Variants in FAM227B observed in about 807,000 individuals in gnomAD.
The protein encoded by FAM227B is protein FAM227B.
Under a neutral mutation model 73.8 loss-of-function variants are expected in FAM227B, and 88 were observed. The ratio of observed to expected loss-of-function variants is 1.19; its 90% CI spans 1.00 to 1.42. The LOEUF is 1.42. Ranked by LOEUF, FAM227B falls within the 40% of genes most tolerant of loss-of-function variation. The probability of loss-of-function intolerance (pLI) is 0.00; values close to 1 mark genes in which losing one functional copy is unlikely to be tolerated. For synonymous variants in FAM227B, 210 were observed against 190.5 expected (o/e 1.10, Z -0.84); for missense variants, 632 against 590.9 (o/e 1.07, Z -0.72).
At chr15:49,388,846 T>C (rs2047037385) in intron 11 of FAM227B, among the ~76,000 whole-genome samples, 2 of 151,712 alleles carry the variant, frequency 1.3e-5, no homozygotes, top group Non-Finnish European at 3.0e-5. Context: ...AGACATTTCT[T>C]AAAAGAAGAT....
intron 11 of FAM227B, among the ~76,000 whole-genome samples, chr15:49,507,231 T>C (rs1052030216): frequency 7.2e-5 from 11 of 152,064 alleles, no homozygotes; most frequent in Admixed American, 3.3e-4. Context: ...ACAGTTAAAA[T>C]AGTGATGCTC....
intron 11 of FAM227B, among the ~76,000 whole-genome samples, chr15:49,474,191 C>G (rs2055037675): frequency 6.6e-6 from 1 of 152,104 alleles, no homozygotes; most frequent in South Asian, 2.1e-4. Flanking sequence ...CTGTCTTAGG[C>G]TATCTATATC....
At chr15:49,535,303 A>T (rs1336637056) in intron 10 of FAM227B, among the ~76,000 whole-genome samples, 1 of 151,740 alleles carries the variant, frequency 6.6e-6, no homozygotes, top group Non-Finnish European at 1.5e-5. Context: ...ATTATATGCC[A>T]TCAAATTGAA....
chr15:49,455,691 G>A (rs910297727), intron 11 of FAM227B, among the ~76,000 whole-genome samples: 3 of 152,114 alleles, frequency 2.0e-5, no homozygotes, highest in Non-Finnish European at 4.4e-5. Flanking sequence ...ACTTAAATAA[G>A]TGATTTTGGT....
Position 49,568,311 on chromosome 15 carries a change from T to G in FAM227B, c.681A>C (p.Arg227Ser). The G allele has an allele frequency of 3.1e-6, 5 of 1,611,682 alleles. No homozygotes were observed. Among genetic ancestry groups the G allele is most frequent in the Non-Finnish European group, 4.2e-6 (5 of 1,178,860 alleles). Reference sequence around the variant, plus strand: ...AAAGTGTCACATAACTTTCTGAAATTCTATCGAATAAGCAATCTTGGTTTT... The same window carrying G: ...AAAGTGTCACATAACTTTCTGAAATGCTATCGAATAAGCAATCTTGGTTTT... ...DRENQDCLFD[R>S]ISESYVTLFM... The change falls in exon 9 of 16, where the codon AGA (arginine) becomes AGC (serine). Residue 227 changes from arginine (R) to serine (S), a missense_variant. Arg to Ser is a moderately radical substitution (Grantham distance 110). Transcript: ENST00000299338.
At position 49,594,211 on chromosome 15, in the gene FAM227B, C is replaced by T. The variant is rs117813132; in HGVS notation, c.106-4204G>A. Among the ~76,000 whole-genome samples the T allele has an allele frequency of 1.7e-3, 255 of 152,032 alleles. 5 individuals carry two copies. The East Asian group carries it at 0.045, about 27-fold the overall frequency. On this transcript the variant is annotated intron_variant, in intron 3 of 15. Transcript: ENST00000299338. ...GCATTTTTTTCACAGGTTTTTTGGC[C>T]ATTTGTATATCTTCTTTTGAGAATT...
At chr15:49,482,599 T>C (rs2056052973) in intron 11 of FAM227B, among the ~76,000 whole-genome samples, 1 of 152,020 alleles carries the variant, frequency 6.6e-6, no homozygotes, top group African/African-American at 2.4e-5. Context: ...TTTATCCAAA[T>C]AGAAAAGTAA....
intron 10 of FAM227B, among the ~76,000 whole-genome samples, chr15:49,527,336 A>T (rs748854302): frequency 1.3e-5 from 2 of 151,850 alleles, no homozygotes; most frequent in African/African-American, 2.4e-5. Flanking sequence ...AAAATCCAAC[A>T]TCCCTTCAGT....
chr15:49,365,127 G>T (rs2044905545), intron 13 of FAM227B: 3 of 716,334 alleles, frequency 4.2e-6, no homozygotes, highest in East Asian at 2.5e-5. Flanking sequence ...TAATATTATT[G>T]CTGGACAATC....
chr15:49,507,504 C>T (rs994969947), intron 11 of FAM227B, among the ~76,000 whole-genome samples: 1 of 152,104 alleles, frequency 6.6e-6, no homozygotes, highest in East Asian at 1.9e-4. Context: ...CAGTCAGACA[C>T]GAGACCTGAG....
intron 11 of FAM227B, among the ~76,000 whole-genome samples, chr15:49,387,909 G>T (rs537525228): frequency 4.0e-5 from 6 of 151,708 alleles, no homozygotes; most frequent in African/African-American, 1.4e-4. Flanking sequence ...AAATACCTAC[G>T]AATATATTTA....
At chr15:49,541,272 G>T (rs1769556627) in intron 10 of FAM227B, among the ~76,000 whole-genome samples, 1 of 151,768 alleles carries the variant, frequency 6.6e-6, no homozygotes, top group South Asian at 2.1e-4. Context: ...TTCACAAACA[G>T]GTTTTCCTTG....
chr15:49,479,557 G>A (rs2055693612), intron 11 of FAM227B, among the ~76,000 whole-genome samples: 1 of 147,406 alleles, frequency 6.8e-6, no homozygotes, highest in African/African-American at 2.5e-5. Flanking sequence ...GCAACTTCGT[G>A]GCTTCTGATT....
At chr15:49,350,360 ACAT>A (rs1344095420) in intron 13 of FAM227B, among the ~76,000 whole-genome samples, 2 of 152,188 alleles carry the variant, frequency 1.3e-5, no homozygotes, top group South Asian at 2.1e-4. Context: ...ATGATGACAA[ACAT>A]CATAAATACC....
intron 15 of FAM227B, chr15:49,329,082 C>T (rs1191465956): frequency 4.0e-6 from 4 of 996,520 alleles, no homozygotes; most frequent in Non-Finnish European, 4.8e-6. Flanking sequence ...AGAAATTCCA[C>T]ACATTCCTTA....
chr15:49,422,124 G>GAA (rs1366043750), intron 11 of FAM227B, among the ~76,000 whole-genome samples: 6 of 137,758 alleles, frequency 4.4e-5, no homozygotes, highest in Non-Finnish European at 7.9e-5. Flanking sequence ...TTCACATAGA[G>GAA]AGAGAGAGAG....
chr15:49,506,042 C>G (rs1211087447), intron 11 of FAM227B, among the ~76,000 whole-genome samples: 1 of 151,836 alleles, frequency 6.6e-6, no homozygotes, highest in Admixed American at 6.6e-5. Flanking sequence ...TACAAAGGAA[C>G]ATTTTATAAT....
intron 11 of FAM227B, among the ~76,000 whole-genome samples, chr15:49,393,208 A>C (rs2047335450): frequency 6.6e-6 from 1 of 152,140 alleles, no homozygotes; most frequent in African/African-American, 2.4e-5. Context: ...AAATGTGGGG[A>C]GAGGGCTCAA....
intron 11 of FAM227B, among the ~76,000 whole-genome samples, chr15:49,466,508 GT>G (rs769019190): frequency 1.3e-5 from 2 of 152,140 alleles, no homozygotes; most frequent in Non-Finnish European, 2.9e-5. Context: ...AATAAAAGAG[GT>G]TTTTGTTTGC....
Sources: gnomAD v4.1 joint callset for allele counts (sites outside exome capture counted in the v4.1 genomes callset) on GRCh38, gnomAD v4.1.1 for gene constraint, MANE v1.5 for transcripts, NCBI Gene and HGNC (gene_info 2026-07-23, HGNC 2026-07-21) for gene names.